SHANK2: variants seen among roughly 807,000 people sequenced by gnomAD.
SHANK2 encodes the protein SH3 and multiple ankyrin repeat domains 2, also known as SH3 and multiple ankyrin repeat domains protein 2.
A neutral mutation model predicts 133.7 loss-of-function variants in SHANK2; 43 were observed. The ratio of observed to expected loss-of-function variants is 0.32; its 90% CI spans 0.25 to 0.41. SHANK2 has a LOEUF of 0.41. SHANK2 is among the 10% of genes least tolerant of loss of function. The pLI is 1.00. For missense variants in SHANK2, 1,994 were observed against 2,235.8 expected (o/e 0.89, Z 2.18); for synonymous variants, 1,017 against 952.8 (o/e 1.07, Z -1.24).
intron 14 of SHANK2, among the ~76,000 whole-genome samples, chr11:70,709,056 C>T (rs554263473): frequency 6.6e-6 from 1 of 152,252 alleles, no homozygotes; most frequent in South Asian, 2.1e-4. Context: ...ACAAAAAATA[C>T]ACAAATTAGC....
At chr11:70,758,773 T>C (rs551794068) in intron 14 of SHANK2, among the ~76,000 whole-genome samples, 9 of 152,314 alleles carry the variant, frequency 5.9e-5, no homozygotes, top group African/African-American at 2.2e-4. Flanking sequence ...GCCGTATCCC[T>C]CCAACTTCTG....
rs1489678395 is a variant in SHANK2 at position 70,914,717 on chromosome 11, T to TAAAATAAAAC, written c.1108-18151_1108-18150insGTTTTATTTT. 3.0e-3 allele frequency among the ~76,000 whole-genome samples: 435 copies of TAAAATAAAAC among 145,470 alleles called. 2 individuals are homozygous for TAAAATAAAAC. The highest frequency in any genetic ancestry group is 1.0e-2 in the African/African-American group (380 of 38,134). ...TAAAATAAAATAAAATAAAATAAAATAAAACAAAACAAAACAAAGTAAAAT... is the reference window on the plus strand; with the variant it reads ...TAAAATAAAATAAAATAAAATAAAATAAAATAAAACAAAACAAAACAAAACAAAGTAAAAT... On this transcript the variant is annotated intron_variant, in intron 10 of 25. Coordinates refer to ENST00000601538, the MANE Select transcript of SHANK2 (RefSeq NM_012309.5).
At chr11:70,877,571 G>C (rs1949588883) in intron 11 of SHANK2, among the ~76,000 whole-genome samples, 1 of 152,130 alleles carries the variant, frequency 6.6e-6, no homozygotes, top group Admixed American at 6.6e-5. Flanking sequence ...TACTTCACCA[G>C]CTCTGGTTGT....
chr11:70,503,602 C>T (rs2059093000), intron 17 of SHANK2, among the ~76,000 whole-genome samples: 1 of 152,206 alleles, frequency 6.6e-6, no homozygotes, highest in African/African-American at 2.4e-5. Context: ...TGGGGACCCC[C>T]AAGGCTGCCA....
chr11:70,648,775 G>A (rs1270140644), intron 17 of SHANK2, among the ~76,000 whole-genome samples: 1 of 152,156 alleles, frequency 6.6e-6, no homozygotes, highest in Admixed American at 6.5e-5. Flanking sequence ...TTGGGAGGAA[G>A]GAGACCCTTG....
intron 14 of SHANK2, among the ~76,000 whole-genome samples, chr11:70,741,231 GCATCCATCCATCCATC>G (rs61208287): frequency 3.2e-4 from 46 of 143,314 alleles, no homozygotes; most frequent in African/African-American, 7.7e-4. Flanking sequence ...ATTTAACCAT[GCATCCATCCATCCATC>G]CATCCATCCA....
chr11:70,893,198 T>C (rs1949878418), intron 11 of SHANK2, among the ~76,000 whole-genome samples: 1 of 152,204 alleles, frequency 6.6e-6, no homozygotes, highest in South Asian at 2.1e-4. Context: ...TTCACTGTGG[T>C]TACTCATTCA....
At chr11:70,940,394 A>T (rs1555084207) in intron 10 of SHANK2, among the ~76,000 whole-genome samples, 1 of 151,516 alleles carries the variant, frequency 6.6e-6, no homozygotes, top group Non-Finnish European at 1.5e-5. Context: ...TTACAGGCAC[A>T]TGCCACCACG....
At position 71,252,116 on chromosome 11, in the gene SHANK2, C is replaced by CG. The variant is rs1372352981; in HGVS notation, c.-113+308dup. The stretch of plus-strand genomic sequence containing the variant: ...TGGTCCATGCGCGCAGGAGATAAAG[C>CG]GGGGGCTCCTTCCTGCGCTCTGCCC... On this transcript the variant is annotated intron_variant, in intron 1 of 25. Coordinates refer to ENST00000601538, the MANE Select transcript of SHANK2 (RefSeq NM_012309.5). The surrounding 1 kb of genome is among the most constrained non-coding windows in gnomAD (Gnocchi z 6.3). Among the ~76,000 whole-genome samples, 7 of 152,294 alleles carry CG rather than the reference C, an allele frequency of 4.6e-5. No homozygotes were observed. Among genetic ancestry groups the CG allele is most frequent in the Non-Finnish European group, 7.4e-5 (5 of 67,998 alleles).
At chr11:70,742,129 CA>C (rs1336102287) in intron 14 of SHANK2, among the ~76,000 whole-genome samples, 5 of 152,194 alleles carry the variant, frequency 3.3e-5, no homozygotes, top group African/African-American at 1.2e-4. Flanking sequence ...TGACAACTTC[CA>C]AACCCTGGAG....
chr11:70,823,374 GCAC>G (rs1948574637), intron 11 of SHANK2, among the ~76,000 whole-genome samples: 1 of 144,806 alleles, frequency 6.9e-6, no homozygotes. Flanking sequence ...GACAGAGGTG[GCAC>G]TGGCAGAGTT....
chr11:70,854,519 G>A (rs1342433161), intron 11 of SHANK2, among the ~76,000 whole-genome samples: 4 of 152,190 alleles, frequency 2.6e-5, no homozygotes, highest in African/African-American at 4.8e-5. Context: ...AAATCCAACT[G>A]AGCGCATGCA....
chr11:71,110,887 G>A (rs1354845561), intron 5 of SHANK2, among the ~76,000 whole-genome samples: 3 of 152,248 alleles, frequency 2.0e-5, no homozygotes, highest in Non-Finnish European at 4.4e-5. Flanking sequence ...GAGAGGTGAG[G>A]CCTTTGGGAG....
chr11:70,698,602 C>G, intron 15 of SHANK2, 86 bp downstream of exon 15: 1 of 715,008 alleles, frequency 1.4e-6, no homozygotes, highest in Non-Finnish European at 2.6e-6. Context: ...GGCCTGAAAG[C>G]TGCATGCAAG....
At chr11:71,057,591 C>T (rs898871700) in intron 9 of SHANK2, among the ~76,000 whole-genome samples, 3 of 152,202 alleles carry the variant, frequency 2.0e-5, no homozygotes, top group South Asian at 4.2e-4. Context: ...GCTCTGTTGC[C>T]GAGGCTAGAG....
At chr11:70,924,492 T>G (rs568754772) in intron 10 of SHANK2, among the ~76,000 whole-genome samples, 55 of 152,284 alleles carry the variant, frequency 3.6e-4, no homozygotes, top group African/African-American at 1.3e-3. Context: ...AGTCTTGCTC[T>G]GTCACCCTGG....
chr11:71,167,989 G>A (rs1199115287), intron 2 of SHANK2, among the ~76,000 whole-genome samples: 3 of 120,122 alleles, frequency 2.5e-5, no homozygotes, highest in East Asian at 4.3e-4. Flanking sequence ...CTTCCCAGAC[G>A]GGGTGGCTGC....
At chr11:70,642,312 G>A (rs939300152) in intron 17 of SHANK2, among the ~76,000 whole-genome samples, 2 of 120,650 alleles carry the variant, frequency 1.7e-5, no homozygotes, top group African/African-American at 3.1e-5. Context: ...TTTTCCGTTC[G>A]ATTCAAATTT....
chr11:70,634,748 T>C (rs493381), intron 17 of SHANK2: 81,569 of 151,966 alleles, frequency 0.54, 22,209 homozygotes, highest in Middle Eastern at 0.64. Flanking sequence ...GTAACCCCAG[T>C]TACTCGGGAG....
Sources: gnomAD v4.1 joint callset for allele counts (sites outside exome capture counted in the v4.1 genomes callset) on GRCh38, gnomAD v4.1.1 for gene constraint, Gnocchi (gnomAD v3.1) non-coding constraint, MANE v1.5 for transcripts, NCBI Gene and HGNC (gene_info 2026-07-23, HGNC 2026-07-21) for gene names.